Variants in DOCK7 observed in about 807,000 individuals in gnomAD.
DOCK7 encodes dedicator of cytokinesis protein 7.
Under a neutral mutation model 271.0 loss-of-function variants are expected in DOCK7, and 138 were observed. The ratio of observed to expected loss-of-function variants is 0.51; its 90% confidence interval spans 0.44 to 0.59. The LOEUF is 0.59. Among genes scored for constraint, DOCK7 ranks in the 20% least tolerant of loss-of-function variants. The probability of loss-of-function intolerance (pLI) is 0.00; values close to 1 mark genes in which losing one functional copy is unlikely to be tolerated. For synonymous variants in DOCK7, 823 were observed against 876.1 expected (o/e 0.94, Z 1.07); for missense variants, 2,066 against 2,592.4 (o/e 0.80, Z 4.41).
chr1:62,542,407 C>T (rs1472484738), intron 25 of DOCK7, among the ~76,000 whole-genome samples: 1 of 152,056 alleles, frequency 6.6e-6, no homozygotes. Context: ...TAAAATGAGC[C>T]TCACTCTTAA....
At chr1:62,685,500 C>T (rs998315862) in intron 1 of DOCK7, among the ~76,000 whole-genome samples, 12 of 152,106 alleles carry the variant, frequency 7.9e-5, no homozygotes, top group Admixed American at 7.9e-4. Context: ...CAAGTTAAGT[C>T]TGCACATTCT....
chr1:62,605,250 G>T (rs1252230724), intron 14 of DOCK7: 3 of 159,546 alleles, frequency 1.9e-5, no homozygotes, highest in African/African-American at 2.4e-5. Context: ...TAATTGTACA[G>T]TTCTTAAATG....
chr1:62,490,371 G>C (rs576670418), intron 41 of DOCK7, among the ~76,000 whole-genome samples: 2 of 152,110 alleles, frequency 1.3e-5, no homozygotes, highest in Non-Finnish European at 2.9e-5. Flanking sequence ...GCACTGGAAT[G>C]ACAGGTGTGA....
At chr1:62,500,451 G>A (rs1646748862) in intron 37 of DOCK7, among the ~76,000 whole-genome samples, 1 of 152,102 alleles carries the variant, frequency 6.6e-6, no homozygotes. Flanking sequence ...TCCAACATAT[G>A]TATAATGAAC....
intron 24 of DOCK7, 121 bp from the exon 25 acceptor site, chr1:62,542,824 A>G: frequency 1.3e-6 from 1 of 794,120 alleles, no homozygotes; most frequent in Non-Finnish European, 2.0e-6. Context: ...CACGTGAACC[A>G]TTCAATGATG....
intron 14 of DOCK7, among the ~76,000 whole-genome samples, chr1:62,617,264 G>C (rs1027333193): frequency 2.0e-5 from 3 of 151,870 alleles, no homozygotes; most frequent in Non-Finnish European, 4.4e-5. Flanking sequence ...GAGAGTTTTA[G>C]CACTAACACA....
rs1557830762 is a variant in DOCK7, at chr1:62,631,222, T to C, written c.1282+18A>G. 6 of 1,557,428 alleles carry C rather than the reference T, an allele frequency of 3.9e-6. No homozygotes were observed. Among genetic ancestry groups the C allele is most frequent in the East Asian group, 2.3e-5 (1 of 43,092 alleles). On this transcript the variant is annotated intron_variant, in intron 11 of 49. Coordinates refer to ENST00000635253, the MANE Select transcript of DOCK7 (RefSeq NM_001367561.1). Reference sequence around the variant, plus strand: ...AAAAAGTAAACATTTAGAAATGTTTTGTATGAAACACTCTTACCTCCAGTA... The same window carrying C: ...AAAAAGTAAACATTTAGAAATGTTTCGTATGAAACACTCTTACCTCCAGTA...
At chr1:62,604,947 T>A in intron 14 of DOCK7, 1 of 918,600 alleles carries the variant, frequency 1.1e-6, no homozygotes, top group East Asian at 2.6e-5. Flanking sequence ...AAAGTCACTG[T>A]CTATTTAAGA....
intron 41 of DOCK7, among the ~76,000 whole-genome samples, chr1:62,491,542 T>C (rs60611007): frequency 0.022 from 3,415 of 152,334 alleles, 99 homozygotes; most frequent in African/African-American, 0.059. Flanking sequence ...ATTGGGGTTA[T>C]AGCATGACAG....
At chr1:62,570,971 A>T (rs541097208) in intron 18 of DOCK7, among the ~76,000 whole-genome samples, 1 of 152,330 alleles carries the variant, frequency 6.6e-6, no homozygotes, top group East Asian at 1.9e-4. Flanking sequence ...AATCTAGGCA[A>T]CACCATTCAG....
intron 37 of DOCK7, among the ~76,000 whole-genome samples, chr1:62,500,146 C>A (rs967058163): frequency 2.0e-5 from 3 of 151,856 alleles, no homozygotes; most frequent in Non-Finnish European, 4.4e-5. Flanking sequence ...GCAAAACTCA[C>A]CAGATAAAGA....
chr1:62,529,133 C>T lies in DOCK7; in HGVS notation c.3781+144G>A, dbSNP rs1023159164. On this transcript the variant is annotated intron_variant, in intron 30 of 49. Coordinates refer to ENST00000635253, the MANE Select transcript of DOCK7 (RefSeq NM_001367561.1). ...TCTCACACGGTCAAAGGTTTTCTGG[C>T]AATATAGTTTAATATTTATAGTTTA... is the stretch of plus-strand genomic sequence containing the variant. The T allele has an allele frequency of 3.5e-5, 27 of 767,508 alleles. No homozygotes were observed. The Admixed American group carries it at 9.2e-4, about 26-fold the overall frequency. The allele number at this position is 767,508 out of a possible 1,614,324, so 47.5% of individuals were successfully genotyped here. A position where few individuals can be genotyped will look rare whatever the true frequency, so the allele number is the denominator to read the frequency against.
intron 43 of DOCK7, chr1:62,484,183 T>C (rs1293287606): frequency 6.6e-6 from 1 of 152,082 alleles, no homozygotes; most frequent in East Asian, 1.9e-4. Context: ...CACATTCATG[T>C]CCATTCAGTC....
At chr1:62,545,555 A>T (rs1645676715) in intron 22 of DOCK7, among the ~76,000 whole-genome samples, 1 of 152,136 alleles carries the variant, frequency 6.6e-6, no homozygotes, top group Non-Finnish European at 1.5e-5. Flanking sequence ...GACAGACAGG[A>T]GAAATAAAGT....
intron 28 of DOCK7, among the ~76,000 whole-genome samples, chr1:62,536,955 A>G (rs1645365014): frequency 6.6e-6 from 1 of 152,228 alleles, no homozygotes; most frequent in Admixed American, 6.5e-5. Flanking sequence ...TCATCTACAG[A>G]GAACCTACTA....
intron 31 of DOCK7, among the ~76,000 whole-genome samples, chr1:62,515,538 A>T (rs1644636737): frequency 6.6e-6 from 1 of 152,250 alleles, no homozygotes; most frequent in Non-Finnish European, 1.5e-5. Context: ...AAACAGGCAT[A>T]TGCTGACATC....
intron 14 of DOCK7, among the ~76,000 whole-genome samples, chr1:62,614,301 T>A (rs753434283): frequency 2.0e-5 from 3 of 152,118 alleles, no homozygotes; most frequent in Non-Finnish European, 4.4e-5. Context: ...TTTCTACCTA[T>A]GCTAGGTTTC....
intron 44 of DOCK7, among the ~76,000 whole-genome samples, chr1:62,476,688 G>T (rs1431449778): frequency 6.6e-6 from 1 of 152,112 alleles, no homozygotes; most frequent in Non-Finnish European, 1.5e-5. Context: ...CAAGAATATA[G>T]TGACTACTCC....
At chr1:62,685,973 C>A (rs1447524782) in intron 1 of DOCK7, among the ~76,000 whole-genome samples, 1 of 152,192 alleles carries the variant, frequency 6.6e-6, no homozygotes, top group Non-Finnish European at 1.5e-5. Context: ...TTGTTTTGCA[C>A]AACTGATTCT....
Sources: gnomAD v4.1 joint callset for allele counts (sites outside exome capture counted in the v4.1 genomes callset) on GRCh38, gnomAD v4.1.1 for gene constraint, MANE v1.5 for transcripts, NCBI Gene and HGNC (gene_info 2026-07-23, HGNC 2026-07-21) for gene names.